Variants in IL1R2 observed in about 807,000 individuals in gnomAD.
IL1R2 encodes the protein interleukin 1 receptor type 2, also known as interleukin-1 receptor type 2.
A neutral mutation model predicts 39.5 loss-of-function variants in IL1R2; 46 were observed. The ratio of observed to expected loss-of-function variants is 1.16; its 90% CI spans 0.92 to 1.49. The LOEUF (loss-of-function observed/expected upper bound fraction) is 1.49. IL1R2 is among the 40% of genes most tolerant of loss of function. IL1R2 has a pLI of 0.00. For missense variants in IL1R2, 537 were observed against 502.0 expected (o/e 1.07, Z -0.67); for synonymous variants, 207 against 189.6 (o/e 1.09, Z -0.75).
rs1433983785 is a variant in IL1R2 at position 102,019,667 on chromosome 2, G to A, written c.543G>A (p.Glu181=). 1.9e-6 allele frequency: 3 copies of A among 1,612,446 alleles called. No homozygotes were observed. Among genetic ancestry groups the A allele is most frequent in the Admixed American group, 1.7e-5 (1 of 59,576 alleles). ...CTCTTCTTTTGGATAAAGACAATGA[G>A]AAATTTCTAAGTGTGAGGGGGACCA... The part of the protein sequence containing the change: ...KDSLLLDKDN[E]KFLSVRGTTH... The change falls in exon 5 of 9, where the codon GAG becomes GAA. Residue 181 remains glutamate, a synonymous_variant. Transcript: ENST00000332549.
chr2:102,009,221 A>G (rs903459114), intron 2 of IL1R2, among the ~76,000 whole-genome samples: 3 of 152,180 alleles, frequency 2.0e-5, no homozygotes, highest in African/African-American at 7.2e-5. Context: ...TTTACTTTTA[A>G]TGATGAGAAA....
chr2:101,996,961 C>A (rs1312294584), intron 1 of IL1R2, among the ~76,000 whole-genome samples: 2 of 152,136 alleles, frequency 1.3e-5, no homozygotes, highest in Non-Finnish European at 2.9e-5. Flanking sequence ...CGGCTCAAAT[C>A]TACCTCTCTT....
At chr2:102,024,957 T>C (rs1677643543) in intron 7 of IL1R2, 1 of 359,398 alleles carries the variant, frequency 2.8e-6, no homozygotes, top group Admixed American at 4.4e-5. Flanking sequence ...TTAAAAAATA[T>C]TTTGGAGTTC....
chr2:102,022,105 T>C (rs886234783), intron 5 of IL1R2, 82 bp from the exon 6 acceptor site: 16 of 1,157,602 alleles, frequency 1.4e-5, no homozygotes, highest in Non-Finnish European at 2.0e-5. Flanking sequence ...ATAACTTAGT[T>C]GATTAGCCAA....
At chr2:101,994,438 G>A (rs1414845331) in intron 1 of IL1R2, among the ~76,000 whole-genome samples, 1 of 152,184 alleles carries the variant, frequency 6.6e-6, no homozygotes, top group Non-Finnish European at 1.5e-5. Context: ...GGAGACACTC[G>A]ATCATGACAG....
chr2:102,003,793 TCTGTGTCTGTGGCTGTG>T (rs1356986304), intron 1 of IL1R2, among the ~76,000 whole-genome samples: 1 of 4,346 alleles, frequency 2.3e-4, no homozygotes. Context: ...TCTCTCTGTG[TCTGTGTCTGTGGCTGTG>T]CTGTGTCTGT....
chr2:102,023,452 G>A (rs1677520745), intron 6 of IL1R2: 1 of 152,278 alleles, frequency 6.6e-6, no homozygotes, highest in African/African-American at 2.4e-5. Context: ...ACTGGAATGG[G>A]TGGTGGGGCC....
At chr2:102,002,703 G>GGTCTAT (rs1322450801) in intron 1 of IL1R2, among the ~76,000 whole-genome samples, 72 of 96,734 alleles carry the variant, frequency 7.4e-4, no homozygotes, top group South Asian at 4.0e-3. Context: ...TCTATGTCTA[G>GGTCTAT]GTCTATGTCT....
chr2:102,012,380 A>G (rs898478490), intron 3 of IL1R2, among the ~76,000 whole-genome samples: 2 of 152,224 alleles, frequency 1.3e-5, no homozygotes, highest in African/African-American at 4.8e-5. Flanking sequence ...AGGAATATGT[A>G]CATTTAGAAA....
At position 102,015,981 on chromosome 2, in the gene IL1R2, G is replaced by A; in HGVS notation, c.443G>A (p.Gly148Glu). The change falls in exon 4 of 9, where the codon GGG (glycine) becomes GAG (glutamate). Residue 148 changes from glycine to glutamate, a missense_variant. Gly to Glu is a moderately conservative substitution (Grantham distance 98). Transcript: ENST00000332549. ...YPQILTLSTS[G>E]VLVCPDLSEF... The stretch of plus-strand genomic sequence containing the variant: ...CAAATTTTAACCTTGTCAACCTCTG[G>A]GGTATTAGTATGCCCTGACCTGAGT... 1 of 1,613,846 alleles carries A rather than the reference G, an allele frequency of 6.2e-7. No individual in the cohort carries two copies. Among genetic ancestry groups the A allele is most frequent in the East Asian group, 2.2e-5 (1 of 44,866 alleles).
chr2:102,013,242 G>C (rs1250952706), intron 3 of IL1R2, among the ~76,000 whole-genome samples: 1 of 152,120 alleles, frequency 6.6e-6, no homozygotes, highest in Admixed American at 6.5e-5. Context: ...ATGATGGGAA[G>C]GTTTACCTGG....
At chr2:102,021,064 C>T (rs1677352857) in intron 5 of IL1R2, among the ~76,000 whole-genome samples, 1 of 152,168 alleles carries the variant, frequency 6.6e-6, no homozygotes. Context: ...GCCCCAGCTC[C>T]ATAGGGCAGC....
chr2:101,999,511 G>A (rs1675744864), intron 1 of IL1R2, among the ~76,000 whole-genome samples: 2 of 152,202 alleles, frequency 1.3e-5, no homozygotes, highest in Admixed American at 6.5e-5. Flanking sequence ...TGTCTGCTAT[G>A]ACTCGATGCT....
chr2:101,992,230 C>G lies in IL1R2; in HGVS notation c.-62+219C>G, dbSNP rs553413504. Among the ~76,000 whole-genome samples the G allele has an allele frequency of 3.5e-4, 51 of 147,626 alleles. 1 individual carries two copies. The South Asian group carries it at 0.011, about 31-fold the overall frequency. ...ACAGAAAGAGGCAGAGAAACAGAGA[C>G]AGAAAGAGGCAGAGAGACAGGCAGA... On this transcript the variant is annotated intron_variant, in intron 1 of 8. Transcript: ENST00000332549.
chr2:102,023,980 C>T (rs1277889257), intron 6 of IL1R2, among the ~76,000 whole-genome samples: 2 of 150,772 alleles, frequency 1.3e-5, no homozygotes, highest in East Asian at 2.0e-4. Flanking sequence ...ACCGGGGAGG[C>T]GGAGCTTGCA....
At chr2:101,996,379 AC>A (rs1675587137) in intron 1 of IL1R2, among the ~76,000 whole-genome samples, 1 of 151,838 alleles carries the variant, frequency 6.6e-6, no homozygotes, top group South Asian at 2.1e-4. Flanking sequence ...GTCTGTGGAA[AC>A]CCAGCAAATC....
chr2:101,994,427 G>A (rs886274226), intron 1 of IL1R2, among the ~76,000 whole-genome samples: 1 of 152,170 alleles, frequency 6.6e-6, no homozygotes, highest in Non-Finnish European at 1.5e-5. Flanking sequence ...CTTTCCATAG[G>A]GGAGACACTC....
At chr2:102,010,628 C>A (rs1043193380) in intron 3 of IL1R2, among the ~76,000 whole-genome samples, 11 of 151,924 alleles carry the variant, frequency 7.2e-5, no homozygotes, top group Admixed American at 2.6e-4. Flanking sequence ...GATGAGGGAA[C>A]CAAGCTGGCT....
At chr2:102,005,007 G>A (rs891687727) in intron 1 of IL1R2, among the ~76,000 whole-genome samples, 10 of 152,170 alleles carry the variant, frequency 6.6e-5, no homozygotes, top group African/African-American at 2.4e-4. Context: ...CACCCATCCA[G>A]CCATATCATT....
Sources: gnomAD v4.1 joint callset for allele counts (sites outside exome capture counted in the v4.1 genomes callset) on GRCh38, gnomAD v4.1.1 for gene constraint, MANE v1.5 for transcripts, NCBI Gene and HGNC (gene_info 2026-07-23, HGNC 2026-07-21) for gene names.